The following CUL4A variants were observed in gnomAD, a reference collection of about 807,000 sequenced individuals.
The protein encoded by CUL4A is cullin-4A.
A neutral mutation model predicts 95.5 loss-of-function variants in CUL4A; 16 were observed. That is an observed-to-expected ratio of 0.17 (90% CI 0.11 to 0.25). The LOEUF (loss-of-function observed/expected upper bound fraction) is 0.25, where lower values mean the gene tolerates loss of function less well. Among genes scored for constraint, CUL4A ranks in the 10% least tolerant of loss-of-function variants. The pLI is 1.00. For synonymous variants in CUL4A, 380 were observed against 353.1 expected (o/e 1.08, Z -0.85); for missense variants, 610 against 937.0 (o/e 0.65, Z 4.56).
intron 3 of CUL4A, chr13:113,219,713 A>G (rs1251282032): frequency 6.6e-6 from 1 of 152,266 alleles, no homozygotes; most frequent in Non-Finnish European, 1.5e-5. Context: ...AGGGCCTTAT[A>G]TGATGTAACC....
At chr13:113,228,700 T>C (rs917466775) in intron 4 of CUL4A, among the ~76,000 whole-genome samples, 2 of 151,974 alleles carry the variant, frequency 1.3e-5, no homozygotes, top group African/African-American at 4.8e-5. Context: ...CCTGCATCCC[T>C]CACTCTGCTC....
chr13:113,223,362 T>C (rs1261412728), intron 3 of CUL4A, among the ~76,000 whole-genome samples: 1 of 152,146 alleles, frequency 6.6e-6, no homozygotes, highest in Non-Finnish European at 1.5e-5. Context: ...GTACTTCAAG[T>C]AACTCTACTT....
At chr13:113,256,214 G>A (rs1337540711) in intron 18 of CUL4A, among the ~76,000 whole-genome samples, 1 of 152,132 alleles carries the variant, frequency 6.6e-6, no homozygotes, top group Non-Finnish European at 1.5e-5. Flanking sequence ...GGGCCTTCCT[G>A]TAGCCAGTTT....
intron 2 of CUL4A, 104 bp from the exon 3 acceptor site, chr13:113,218,841 G>A: frequency 1.0e-5 from 7 of 686,194 alleles, no homozygotes; most frequent in South Asian, 1.9e-5. Context: ...GGTAGGGTGT[G>A]GGGTGCCTTT....
rs1197388632 is a variant in CUL4A, at chr13:113,260,211, A to AAAAAAAAAAAAAAC, written c.2032-388_2032-387insAAAAACAAAAAAAA. Among the ~76,000 whole-genome samples the AAAAAAAAAAAAAAC allele has an allele frequency of 2.3e-4, 27 of 119,526 alleles. 7 individuals carry two copies. In the East Asian group the frequency reaches 7.7e-3, roughly 34 times the overall value. 78.4% of individuals were successfully genotyped at this position (119,526 alleles called of 152,430 possible). ...AGAGTGAGACTCCGTCTCAAAAAAA[A>AAAAAAAAAAAAAAC]AAAAAAAACCATTTCCCATCAAATT... On this transcript the variant is annotated intron_variant, in intron 18 of 19. Coordinates refer to ENST00000375440, the MANE Select transcript of CUL4A (RefSeq NM_001008895.4).
At chr13:113,217,988 G>C (rs886329738) in intron 2 of CUL4A, among the ~76,000 whole-genome samples, 1 of 152,248 alleles carries the variant, frequency 6.6e-6, no homozygotes. Context: ...TGTAATCCCA[G>C]CACTGTGGGA....
chr13:113,239,462 G>A lies in CUL4A; in HGVS notation c.946G>A (p.Val316Met). 4 of 1,614,072 alleles carry A rather than the reference G, an allele frequency of 2.5e-6. No homozygotes were observed. The highest frequency in any genetic ancestry group is 2.5e-6 in the Non-Finnish European group (3 of 1,179,996). ...GLDHLLDENR[V>M]PDLAQMYQLF... Reference sequence around the variant, plus strand: ...CGACCACTTACTGGATGAGAACAGAGTGCCGGACCTCGCACAGATGTACCA... The same window carrying A: ...CGACCACTTACTGGATGAGAACAGAATGCCGGACCTCGCACAGATGTACCA... The change falls in exon 10 of 20, where the codon GTG becomes ATG. Residue 316 changes from valine (V) to methionine (M), a missense_variant. Val to Met is a conservative substitution (Grantham distance 21, BLOSUM62 1). Around this residue, in one of 10 missense-constraint regions of CUL4A, gnomAD observed 153 missense variants for 244.5 expected, o/e 0.63. Transcript: ENST00000375440.
chr13:113,258,616 A>C (rs1356903593), intron 18 of CUL4A, among the ~76,000 whole-genome samples: 1 of 152,240 alleles, frequency 6.6e-6, no homozygotes, highest in Non-Finnish European at 1.5e-5. Flanking sequence ...TCTGTGAAGC[A>C]CTGAGAATTC....
At chr13:113,235,600 G>T (rs904390432) in intron 8 of CUL4A, among the ~76,000 whole-genome samples, 2 of 152,128 alleles carry the variant, frequency 1.3e-5, no homozygotes, top group African/African-American at 4.8e-5. Context: ...GTGAGCGTGT[G>T]TGTCAGGCAC....
At chr13:113,248,792 T>G (rs527759586) in intron 15 of CUL4A, among the ~76,000 whole-genome samples, 2 of 152,258 alleles carry the variant, frequency 1.3e-5, no homozygotes, top group Non-Finnish European at 2.9e-5. Context: ...GTTGTTACAC[T>G]GTATTGTTAA....
intron 3 of CUL4A, 96 bp downstream of exon 3, chr13:113,219,144 T>C (rs1286972008): frequency 9.4e-6 from 6 of 640,372 alleles, no homozygotes; most frequent in Non-Finnish European, 1.5e-5. Flanking sequence ...ATCCTTAATA[T>C]TAAAACAACA....
intron 10 of CUL4A, among the ~76,000 whole-genome samples, chr13:113,240,106 A>G (rs2041664405): frequency 6.6e-6 from 1 of 152,192 alleles, no homozygotes; most frequent in Non-Finnish European, 1.5e-5. Context: ...GAGTTTTCAC[A>G]TGTCCTGTGC....
chr13:113,224,225 C>T (rs916244895), intron 3 of CUL4A, among the ~76,000 whole-genome samples: 4 of 152,082 alleles, frequency 2.6e-5, no homozygotes, highest in Non-Finnish European at 5.9e-5. Flanking sequence ...TGGTGGCGGG[C>T]ACCTGTAGTC....
chr13:113,210,114 C>T, intron 2 of CUL4A, 26 bp downstream of exon 2: 2 of 1,434,604 alleles, frequency 1.4e-6, no homozygotes, highest in Non-Finnish European at 1.9e-6. Context: ...GGGCTGGGGA[C>T]GCCGCTCCTG....
chr13:113,228,118 A>G, intron 4 of CUL4A, 73 bp downstream of exon 4: 1 of 1,131,622 alleles, frequency 8.8e-7, no homozygotes, highest in Non-Finnish European at 1.3e-6. Flanking sequence ...GAGAGCTGAG[A>G]CATAGAAGTT....
Position 113,265,316 on chromosome 13 carries a change from A to T in CUL4A, c.*1734A>T, listed in dbSNP as rs2042379562. On this transcript the variant is annotated 3_prime_UTR_variant, in exon 20 of 20. Coordinates refer to ENST00000375440, the MANE Select transcript of CUL4A (RefSeq NM_001008895.4). ...CTGTAGTCCCAGCTATGGGAGGGCA[A>T]GGTGGGAGGATCGTTTGAGCCTGAG... 1 of 152,280 alleles carries T rather than the reference A, an allele frequency of 6.6e-6. No homozygotes were observed. The highest frequency in any genetic ancestry group is 2.4e-5 in the African/African-American group (1 of 41,460). 9.4% of individuals were successfully genotyped at this position (152,280 alleles called of 1,614,324 possible). A position where few individuals can be genotyped will look rare whatever the true frequency, so the allele number is the denominator to read the frequency against.
intron 18 of CUL4A, 45 bp downstream of exon 18, chr13:113,255,170 G>A: frequency 6.9e-7 from 1 of 1,459,148 alleles, no homozygotes; most frequent in South Asian, 1.3e-5. Context: ...GTTTAGCAGG[G>A]AATCATTTGT....
intron 18 of CUL4A, among the ~76,000 whole-genome samples, chr13:113,260,158 C>G (rs1387119179): frequency 8.3e-6 from 1 of 120,676 alleles, no homozygotes; most frequent in Non-Finnish European, 1.6e-5. Context: ...GAGCCGAGAT[C>G]GCGCCACTGC....
intron 2 of CUL4A, among the ~76,000 whole-genome samples, chr13:113,212,218 T>G (rs950386694): frequency 2.0e-5 from 3 of 152,244 alleles, no homozygotes; most frequent in Admixed American, 2.0e-4. Context: ...GTATCAGATA[T>G]TCGCCTTGCA....
Sources: gnomAD v4.1 joint callset for allele counts (sites outside exome capture counted in the v4.1 genomes callset) on GRCh38, gnomAD v4.1.1 for gene constraint, gnomAD v4.1.1 regional missense constraint, MANE v1.5 for transcripts, NCBI Gene and HGNC (gene_info 2026-07-23, HGNC 2026-07-21) for gene names.